The following PALM2AKAP2 variants were observed in gnomAD, a reference collection of about 807,000 sequenced individuals.
PALM2AKAP2 encodes PALM2 and AKAP2 fusion, also known as PALM2-AKAP2 fusion protein.
Under a neutral mutation model 71.5 loss-of-function variants are expected in PALM2AKAP2, and 37 were observed. That is an observed-to-expected ratio of 0.52 (90% CI 0.40 to 0.68). The LOEUF (loss-of-function observed/expected upper bound fraction) is 0.68. PALM2AKAP2 is among the 30% of genes least tolerant of loss of function. The pLI is 0.00. For synonymous variants in PALM2AKAP2, 468 were observed against 478.8 expected, an observed-to-expected ratio of 0.98 and a Z score of 0.29; for missense variants, 1,224 against 1,191.8, an observed-to-expected ratio of 1.03 and a Z score of -0.40.
intron 6 of PALM2AKAP2, among the ~76,000 whole-genome samples, chr9:109,935,668 C>T (rs1441756007): frequency 2.0e-5 from 3 of 152,170 alleles, no homozygotes; most frequent in African/African-American, 7.2e-5. Context: ...TGATGTCAAG[C>T]TCCTTCGATG....
intron 1 of PALM2AKAP2, among the ~76,000 whole-genome samples, chr9:109,731,734 T>C (rs1828558887): frequency 1.3e-5 from 2 of 152,186 alleles, no homozygotes; most frequent in African/African-American, 4.8e-5. Flanking sequence ...AATTTTGTAA[T>C]ATAAACTGGA....
At chr9:109,933,613 CATT>C (rs1831158680) in intron 6 of PALM2AKAP2, among the ~76,000 whole-genome samples, 1 of 152,208 alleles carries the variant, frequency 6.6e-6, no homozygotes, top group Non-Finnish European at 1.5e-5. Context: ...CAGCAATACA[CATT>C]ATTACCACAA....
At chr9:110,049,182 G>A (rs1208495654) in intron 1 of PALM2AKAP2, among the ~76,000 whole-genome samples, 1 of 152,168 alleles carries the variant, frequency 6.6e-6, no homozygotes, top group African/African-American at 2.4e-5. Context: ...CACAGAGCTG[G>A]GCTGTGTGTC....
Position 110,136,909 on chromosome 9 carries a change from GC to G in PALM2AKAP2, c.940del (p.Leu314SerfsTer84). On this transcript the variant is annotated frameshift_variant, in exon 2 of 4. Coordinates refer to ENST00000374525, the Ensembl canonical transcript of PALM2AKAP2. LOFTEE classifies it high-confidence loss of function. Reference sequence around the variant, plus strand: ...TGGAGCTGGAAAAGGAGAGGAGAGAGCTCATCCGCAGCCAGGCCGTCAAGAA... The same window carrying G: ...TGGAGCTGGAAAAGGAGAGGAGAGAGTCATCCGCAGCCAGGCCGTCAAGAA... 6.2e-7 allele frequency: 1 copy of G among 1,614,180 alleles called. No individual in the cohort carries two copies. The highest frequency in any genetic ancestry group is 8.5e-7 in the Non-Finnish European group (1 of 1,180,034).
chr9:109,952,422 A>G (rs1291415568), intron 6 of PALM2AKAP2, among the ~76,000 whole-genome samples: 5 of 152,216 alleles, frequency 3.3e-5, no homozygotes, highest in Non-Finnish European at 7.3e-5. Flanking sequence ...ATCAGTTGGG[A>G]GTTCTCATCT....
At chr9:109,972,846 A>T (rs988080822) in intron 6 of PALM2AKAP2, among the ~76,000 whole-genome samples, 1 of 152,238 alleles carries the variant, frequency 6.6e-6, no homozygotes, top group Non-Finnish European at 1.5e-5. Flanking sequence ...ACATGCTAAT[A>T]TGTATAACGG....
intron 1 of PALM2AKAP2, among the ~76,000 whole-genome samples, chr9:110,099,959 G>T (rs935387981): frequency 6.7e-6 from 1 of 150,300 alleles, no homozygotes; most frequent in African/African-American, 2.4e-5. Context: ...GGGGGAGGGG[G>T]TGGTCAGAGG....
intron 6 of PALM2AKAP2, among the ~76,000 whole-genome samples, chr9:109,975,338 C>T (rs117544224): frequency 1.4e-4 from 21 of 152,298 alleles, no homozygotes; most frequent in Admixed American, 2.6e-4. Context: ...CACCAGAAGA[C>T]GGACATCCCA....
At chr9:110,007,087 G>A (rs1250580473) in intron 6 of PALM2AKAP2, among the ~76,000 whole-genome samples, 1 of 152,126 alleles carries the variant, frequency 6.6e-6, no homozygotes, top group African/African-American at 2.4e-5. Context: ...TAAAAAGGGA[G>A]GAGAGGAGAA....
At chr9:109,854,372 C>T (rs114773394) in intron 1 of PALM2AKAP2, among the ~76,000 whole-genome samples, 1,749 of 152,266 alleles carry the variant, frequency 0.011, 29 homozygotes, top group African/African-American at 0.04. Context: ...GTTCCTATTC[C>T]GAGCCTCTCA....
At chr9:110,160,133 G>GA (rs1054838944) in intron 3 of PALM2AKAP2, among the ~76,000 whole-genome samples, 5 of 151,624 alleles carry the variant, frequency 3.3e-5, no homozygotes, top group African/African-American at 9.7e-5. Context: ...TGTGAATTAG[G>GA]AAAAAAAACC....
chr9:109,788,044 C>T (rs1050629641), intron 1 of PALM2AKAP2, among the ~76,000 whole-genome samples: 5 of 152,106 alleles, frequency 3.3e-5, no homozygotes, highest in African/African-American at 9.7e-5. Flanking sequence ...TGCTTATTTG[C>T]GATATCTTTT....
intron 1 of PALM2AKAP2, among the ~76,000 whole-genome samples, chr9:110,130,634 C>T (rs1835712904): frequency 6.6e-6 from 1 of 152,178 alleles, no homozygotes; most frequent in Non-Finnish European, 1.5e-5. Flanking sequence ...TCTAGATGCT[C>T]CAACCCCACC....
chr9:110,036,513 C>T (rs1564272383), intron 7 of PALM2AKAP2, among the ~76,000 whole-genome samples: 1 of 152,120 alleles, frequency 6.6e-6, no homozygotes, highest in African/African-American at 2.4e-5. Flanking sequence ...TCATCTCTTG[C>T]CCAGATTATT....
chr9:110,155,595 C>A (rs1045565617), intron 2 of PALM2AKAP2, among the ~76,000 whole-genome samples: 1 of 152,128 alleles, frequency 6.6e-6, no homozygotes, highest in African/African-American at 2.4e-5. Context: ...CTCCTCATTC[C>A]CAAGGCTGGT....
At chr9:109,880,489 G>A (rs1829820586) in intron 2 of PALM2AKAP2, 62 bp from the exon 3 acceptor site, 9 of 1,591,148 alleles carry the variant, frequency 5.7e-6, no homozygotes, top group Non-Finnish European at 3.4e-6. Flanking sequence ...CCACTGCAGA[G>A]GGAGAGGACA....
chr9:109,786,315 G>T (rs902331571), intron 1 of PALM2AKAP2, among the ~76,000 whole-genome samples: 8 of 152,210 alleles, frequency 5.3e-5, no homozygotes, highest in African/African-American at 1.7e-4. Flanking sequence ...GGATCCCTCA[G>T]AGGGGTTAGA....
intron 3 of PALM2AKAP2, among the ~76,000 whole-genome samples, chr9:109,899,434 C>G (rs1189780709): frequency 6.6e-6 from 1 of 152,154 alleles, no homozygotes; most frequent in Non-Finnish European, 1.5e-5. Flanking sequence ...GGGATTGATG[C>G]AAGAGCTTCT....
Position 110,084,359 on chromosome 9 carries a change from A to G in PALM2AKAP2, c.156+35504A>G, listed in dbSNP as rs1834512255. Among the ~76,000 whole-genome samples the G allele has an allele frequency of 4.6e-5, 7 of 152,356 alleles. No homozygotes were observed. The South Asian group carries it at 1.4e-3, about 32-fold the overall frequency. ...ACCCTCATATGGTGAGGGCATAGAT[A>G]GGAAAAACCATTAAATTATCATTCT... On this transcript the variant is annotated intron_variant, in intron 1 of 3. Coordinates refer to ENST00000374525, the Ensembl canonical transcript of PALM2AKAP2.
Sources: gnomAD v4.1 joint callset for allele counts (sites outside exome capture counted in the v4.1 genomes callset) on GRCh38, gnomAD v4.1.1 for gene constraint, MANE v1.5 for transcripts, NCBI Gene and HGNC (gene_info 2026-07-23, HGNC 2026-07-21) for gene names.